Variants in ACSL6 observed in about 807,000 individuals in gnomAD.
ACSL6 encodes the protein acyl-CoA synthetase long chain family member 6, also known as long-chain-fatty-acid--CoA ligase 6.
A neutral mutation model predicts 98.2 loss-of-function variants in ACSL6; 47 were observed. The ratio of observed to expected loss-of-function variants is 0.48; its 90% CI spans 0.38 to 0.61. The LOEUF is 0.61. ACSL6 is among the 20% of genes least tolerant of loss of function. ACSL6 has a pLI of 0.00. For missense variants in ACSL6, 761 were observed against 913.4 expected, an observed-to-expected ratio of 0.83 and a Z score of 2.15; for synonymous variants, 362 against 336.9, an observed-to-expected ratio of 1.07 and a Z score of -0.82.
In ACSL6 at chr5:131,993,434, G is replaced by A. The variant is rs368151831; in HGVS notation, c.270+597C>T. On this transcript the variant is annotated intron_variant, in intron 2 of 20. Transcript: ENST00000651883. The stretch of plus-strand genomic sequence containing the variant: ...ATTCCATTTGTTTGTTCTGGACTAT[G>A]TGGATACATTATCTATTCCAAATGA... 2.9e-4 allele frequency: 46 copies of A among 159,184 alleles called. No individual in the cohort carries two copies. The South Asian group carries it at 7.7e-3, about 27-fold the overall frequency. 9.9% of individuals were successfully genotyped at this position (159,184 alleles called of 1,614,324 possible).
chr5:131,980,197 T>C (rs1159318451), intron 9 of ACSL6, among the ~76,000 whole-genome samples: 1 of 152,216 alleles, frequency 6.6e-6, no homozygotes, highest in Non-Finnish European at 1.5e-5. Flanking sequence ...TACCGGTGAC[T>C]GACATTCTCT....
At chr5:131,986,926 G>T in intron 7 of ACSL6, 72 bp from the exon 8 acceptor site, 1 of 1,540,558 alleles carries the variant, frequency 6.5e-7, no homozygotes, top group Non-Finnish European at 8.9e-7. Flanking sequence ...CTCTGTCTCT[G>T]TCTCTTTCTC....
At chr5:131,964,551 T>C (rs1752908400) in intron 17 of ACSL6, among the ~76,000 whole-genome samples, 1 of 152,256 alleles carries the variant, frequency 6.6e-6, no homozygotes, top group African/African-American at 2.4e-5. Context: ...AATGGTTTCA[T>C]TCAAGTTACA....
intron 1 of ACSL6, among the ~76,000 whole-genome samples, chr5:132,010,602 G>A (rs1755660778): frequency 1.3e-5 from 2 of 152,196 alleles, no homozygotes; most frequent in African/African-American, 4.8e-5. Context: ...CATTCATAGA[G>A]CATTTGCTGT....
At chr5:131,979,471 A>C (rs975749868) in intron 9 of ACSL6, among the ~76,000 whole-genome samples, 1 of 152,232 alleles carries the variant, frequency 6.6e-6, no homozygotes, top group African/African-American at 2.4e-5. Flanking sequence ...TCAAGCCAAA[A>C]CACGTACAAC....
At chr5:131,993,353 T>C (rs1754625537) in intron 2 of ACSL6, 1 of 154,298 alleles carries the variant, frequency 6.5e-6, no homozygotes, top group African/African-American at 2.4e-5. Flanking sequence ...ATTAGCAGGT[T>C]GCATCAGGGG....
chr5:131,993,870 C>T (rs1001962240), intron 2 of ACSL6, 161 bp downstream of exon 2: 17 of 703,770 alleles, frequency 2.4e-5, no homozygotes, highest in Admixed American at 8.1e-5. Context: ...TGGTAGGAGA[C>T]CCTGCCCAAG....
In ACSL6 at chr5:131,953,602, TCAAAA is replaced by T. The variant is rs1752255390; in HGVS notation, c.*627_*631del. ...CCTAGGTGACAGAGCAGACCCTGTC[TCAAAA>T]CAAAAAGGAAAAAAAGAATTTCTGA... is the stretch of plus-strand genomic sequence containing the variant. On this transcript the variant is annotated 3_prime_UTR_variant, in exon 21 of 21. Transcript: ENST00000651883. 3 of 186,724 alleles carry T rather than the reference TCAAAA, an allele frequency of 1.6e-5. No homozygotes were observed. The South Asian group carries it at 5.9e-4, about 37-fold the overall frequency. 11.6% of individuals were successfully genotyped at this position (186,724 alleles called of 1,614,324 possible). A position where few individuals can be genotyped will look rare whatever the true frequency, so the allele number is the denominator to read the frequency against.
chr5:131,980,266 A>C (rs755165061), intron 9 of ACSL6, among the ~76,000 whole-genome samples: 9 of 152,210 alleles, frequency 5.9e-5, no homozygotes, highest in Non-Finnish European at 1.3e-4. Flanking sequence ...TCAAATCTTT[A>C]GGTCTGAGTC....
intron 20 of ACSL6, among the ~76,000 whole-genome samples, chr5:131,956,755 T>G (rs1752428836): frequency 1.3e-5 from 2 of 152,176 alleles, no homozygotes; most frequent in South Asian, 2.1e-4. Flanking sequence ...ATAATTATTT[T>G]CTCATAAAGC....
chr5:131,993,428 G>T (rs767725876), intron 2 of ACSL6: 5 of 158,232 alleles, frequency 3.2e-5, no homozygotes, highest in Non-Finnish European at 5.6e-5. Context: ...GTTTGTTCTG[G>T]ACTATGTGGA....
chr5:132,011,317 C>T lies in ACSL6; in HGVS notation c.49+188G>A. On this transcript the variant is annotated intron_variant, in intron 1 of 20. Transcript: ENST00000651883. The surrounding 1 kb of genome is among the most constrained non-coding windows in gnomAD (Gnocchi z 5.4). The stretch of plus-strand genomic sequence containing the variant: ...CGCAGACCCAGGTGCTCCCCAAACC[C>T]GGCCCGGAGCCCGCGAGAACTGGGG... 1.5e-6 allele frequency: 1 copy of T among 656,230 alleles called. No individual in the cohort carries two copies. The highest frequency in any genetic ancestry group is 2.7e-6 in the Non-Finnish European group (1 of 372,778). 40.7% of individuals were successfully genotyped at this position (656,230 alleles called of 1,614,324 possible).
intron 16 of ACSL6, among the ~76,000 whole-genome samples, chr5:131,967,434 T>C (rs1393782492): frequency 2.0e-5 from 3 of 151,576 alleles, no homozygotes; most frequent in African/African-American, 4.8e-5. Context: ...GAGGCCGAGG[T>C]GGGCGGATCA....
chr5:131,962,912 C>A (rs1004114754), intron 17 of ACSL6, among the ~76,000 whole-genome samples: 7 of 152,112 alleles, frequency 4.6e-5, no homozygotes, highest in Non-Finnish European at 7.4e-5. Context: ...TGTCCTTTCC[C>A]CTCAGCAGTT....
intron 9 of ACSL6, chr5:131,984,295 G>A (rs1237055347): frequency 6.6e-6 from 1 of 152,232 alleles, no homozygotes; most frequent in African/African-American, 2.4e-5. Flanking sequence ...TGTAGGGCTG[G>A]TCACAGGTCT....
At chr5:132,006,312 T>G (rs2126964075) in intron 1 of ACSL6, 1 of 152,334 alleles carries the variant, frequency 6.6e-6, no homozygotes, top group South Asian at 2.1e-4. Context: ...CATTTCTGCC[T>G]GTCCCAGGCC....
At chr5:132,000,145 C>A (rs1456555205) in intron 1 of ACSL6, among the ~76,000 whole-genome samples, 1 of 152,040 alleles carries the variant, frequency 6.6e-6, no homozygotes, top group Non-Finnish European at 1.5e-5. Flanking sequence ...TCCCCACCCC[C>A]ACAAGGTCAC....
chr5:131,970,221 C>G, intron 14 of ACSL6, 21 bp from the exon 15 acceptor site: 1 of 1,612,892 alleles, frequency 6.2e-7, no homozygotes, highest in South Asian at 1.1e-5. Context: ...AACACAGAAG[C>G]CACACTATGG....
intron 11 of ACSL6, chr5:131,973,667 C>A: frequency 3.0e-6 from 1 of 329,918 alleles, no homozygotes; most frequent in Non-Finnish European, 5.6e-6. Flanking sequence ...CAGCCATTCT[C>A]ACTGGCGTGT....
Sources: allele counts gnomAD v4.1 joint callset (sites outside exome capture counted in the v4.1 genomes callset), GRCh38; gene constraint gnomAD v4.1.1; non-coding constraint Gnocchi (gnomAD v3.1); transcripts MANE v1.5; gene names NCBI Gene and HGNC (gene_info 2026-07-23, HGNC 2026-07-21).